Variants in SORCS1 observed in about 807,000 individuals in gnomAD.
SORCS1 encodes the protein sortilin related VPS10 domain containing receptor 1.
A neutral mutation model predicts 146.1 loss-of-function variants in SORCS1; 60 were observed. The observed-to-expected ratio is 0.41, with a 90% CI of 0.33 to 0.51. The LOEUF (loss-of-function observed/expected upper bound fraction) is 0.51, where lower values mean the gene tolerates loss of function less well. Ranked by LOEUF, SORCS1 falls within the 20% of genes least tolerant of loss-of-function variation. The probability of loss-of-function intolerance (pLI) is 0.21; values close to 1 mark genes in which losing one functional copy is unlikely to be tolerated. For synonymous variants in SORCS1, 637 were observed against 584.0 expected, an observed-to-expected ratio of 1.09 and a Z score of -1.31; for missense variants, 1,352 against 1,487.6, an observed-to-expected ratio of 0.91 and a Z score of 1.50.
rs77763820 is a variant in SORCS1 at position 107,116,842 on chromosome 10, T to C, written c.558+47127A>G. 8.7e-3 allele frequency among the ~76,000 whole-genome samples: 1,323 copies of C among 152,316 alleles called. 16 individuals are homozygous for C. Among genetic ancestry groups the C allele is most frequent in the African/African-American group, 0.03 (1,246 of 41,560 alleles). ...AGTATATATGATTTTTATTTGCCAA[T>C]TAACTATTTAAAATATAAAAGAAAT... On this transcript the variant is annotated intron_variant, in intron 1 of 25. Coordinates refer to ENST00000263054, the MANE Select transcript of SORCS1 (RefSeq NM_052918.5).
intron 17 of SORCS1, among the ~76,000 whole-genome samples, chr10:106,663,230 G>C (rs1850872179): frequency 6.6e-6 from 1 of 151,998 alleles, no homozygotes; most frequent in Non-Finnish European, 1.5e-5. Flanking sequence ...CTCTGGCTTA[G>C]AAAGATGTTT....
chr10:106,803,866 G>A (rs1471982189), intron 3 of SORCS1, among the ~76,000 whole-genome samples: 1 of 152,092 alleles, frequency 6.6e-6, no homozygotes, highest in Non-Finnish European at 1.5e-5. Flanking sequence ...CATTACAGTT[G>A]ATTTCTGCAA....
chr10:106,947,257 T>C (rs1457092118), intron 2 of SORCS1, among the ~76,000 whole-genome samples: 1 of 152,236 alleles, frequency 6.6e-6, no homozygotes, highest in African/African-American at 2.4e-5. Flanking sequence ...TCATTTACAA[T>C]ACAAATGCAT....
intron 18 of SORCS1, among the ~76,000 whole-genome samples, chr10:106,641,923 C>T (rs1849096108): frequency 6.6e-6 from 1 of 151,994 alleles, no homozygotes; most frequent in Non-Finnish European, 1.5e-5. Flanking sequence ...CCTAGTCAAA[C>T]CAAAACATAT....
chr10:106,680,011 A>G (rs1852318045), intron 10 of SORCS1, among the ~76,000 whole-genome samples: 1 of 152,184 alleles, frequency 6.6e-6, no homozygotes, highest in Non-Finnish European at 1.5e-5. Flanking sequence ...TACAATTTAT[A>G]TAGAGGGCAT....
At chr10:107,139,875 A>G (rs548905725) in intron 1 of SORCS1, among the ~76,000 whole-genome samples, 188 of 152,072 alleles carry the variant, frequency 1.2e-3, no homozygotes, top group African/African-American at 4.4e-3. Flanking sequence ...TCCTCACCAC[A>G]CTCCTATGGG....
At chr10:107,083,533 G>C (rs981932169) in intron 1 of SORCS1, among the ~76,000 whole-genome samples, 10 of 152,184 alleles carry the variant, frequency 6.6e-5, no homozygotes, top group Admixed American at 6.5e-4. Context: ...GACTGTCATG[G>C]GTCATACTTT....
At chr10:106,663,641 G>A (rs1482808777) in intron 17 of SORCS1, among the ~76,000 whole-genome samples, 2 of 152,178 alleles carry the variant, frequency 1.3e-5, no homozygotes, top group African/African-American at 2.4e-5. Context: ...GACATTAAGG[G>A]AGGCAGAAAG....
chr10:107,148,922 T>C (rs1968548093), intron 1 of SORCS1, among the ~76,000 whole-genome samples: 2 of 152,340 alleles, frequency 1.3e-5, no homozygotes, highest in Non-Finnish European at 1.5e-5. Flanking sequence ...TGTCTTAAAA[T>C]AATGAAATTC....
At chr10:106,869,809 C>G (rs1480144258) in intron 2 of SORCS1, among the ~76,000 whole-genome samples, 1 of 152,014 alleles carries the variant, frequency 6.6e-6, no homozygotes, top group Non-Finnish European at 1.5e-5. Flanking sequence ...TCTCACTGTT[C>G]TTATTAAACA....
chr10:106,841,809 T>C (rs1039215740), intron 2 of SORCS1, among the ~76,000 whole-genome samples: 4 of 152,202 alleles, frequency 2.6e-5, no homozygotes, highest in Admixed American at 6.5e-5. Flanking sequence ...GGGTGCACCA[T>C]AGTTTCCAGT....
At chr10:106,648,965 A>C (rs1339165912) in intron 18 of SORCS1, among the ~76,000 whole-genome samples, 1 of 152,058 alleles carries the variant, frequency 6.6e-6, no homozygotes, top group Admixed American at 6.6e-5. Context: ...CAGGCCACCG[A>C]CCAGGAGAAC....
chr10:106,967,654 C>T (rs1298931935), intron 1 of SORCS1, among the ~76,000 whole-genome samples: 1 of 152,140 alleles, frequency 6.6e-6, no homozygotes, highest in Non-Finnish European at 1.5e-5. Context: ...GAGGAAACCA[C>T]GTAGCATATC....
chr10:106,822,309 T>C (rs1564699241), intron 3 of SORCS1, among the ~76,000 whole-genome samples: 1 of 152,192 alleles, frequency 6.6e-6, no homozygotes, highest in African/African-American at 2.4e-5. Flanking sequence ...TATAGGTCAG[T>C]GTACAGAGAG....
chr10:106,934,675 C>T (rs755831029), intron 2 of SORCS1, among the ~76,000 whole-genome samples: 5 of 152,030 alleles, frequency 3.3e-5, no homozygotes, highest in South Asian at 2.1e-4. Flanking sequence ...TGCCCATCAA[C>T]GATTGAGTGT....
Position 106,798,736 on chromosome 10 carries a change from C to T in SORCS1, c.727-22044G>A, listed in dbSNP as rs145749623. Among the ~76,000 whole-genome samples the T allele has an allele frequency of 1.1e-3, 167 of 152,138 alleles. 2 individuals carry two copies. The East Asian group carries it at 0.022, about 20-fold the overall frequency. ...AAGTCTTTGCTATTGTGAATAGTGC[C>T]GCAATAAACATACGTATGCATGTGT... On this transcript the variant is annotated intron_variant, in intron 3 of 25. Coordinates refer to ENST00000263054, the MANE Select transcript of SORCS1 (RefSeq NM_052918.5).
At chr10:106,869,829 A>T (rs1950342448) in intron 2 of SORCS1, among the ~76,000 whole-genome samples, 1 of 152,108 alleles carries the variant, frequency 6.6e-6, no homozygotes, top group Non-Finnish European at 1.5e-5. Flanking sequence ...ATGTTATTGG[A>T]TGTCCTAGCC....
At chr10:107,020,335 C>G (rs1958076056) in intron 1 of SORCS1, among the ~76,000 whole-genome samples, 1 of 152,204 alleles carries the variant, frequency 6.6e-6, no homozygotes, top group South Asian at 2.1e-4. Flanking sequence ...CTGTAGAATT[C>G]TGTTCAAATC....
chr10:106,896,089 A>G (rs940820246), intron 2 of SORCS1, among the ~76,000 whole-genome samples: 1 of 152,214 alleles, frequency 6.6e-6, no homozygotes, highest in Non-Finnish European at 1.5e-5. Context: ...CAAACACTGT[A>G]TGATTCTACT....
Sources: gnomAD v4.1 joint callset for allele counts (sites outside exome capture counted in the v4.1 genomes callset) on GRCh38, gnomAD v4.1.1 for gene constraint, MANE v1.5 for transcripts, NCBI Gene and HGNC (gene_info 2026-07-23, HGNC 2026-07-21) for gene names.